Variants in IL6ST observed in about 807,000 individuals in gnomAD.
IL6ST encodes interleukin-6 receptor subunit beta.
In IL6ST, 24 loss-of-function variants were observed where a neutral mutation model predicts 91.3. The ratio of observed to expected loss-of-function variants is 0.26; its 90% CI spans 0.19 to 0.37. The LOEUF (loss-of-function observed/expected upper bound fraction) is 0.37, where lower values mean the gene tolerates loss of function less well. Ranked by LOEUF, IL6ST falls within the 10% of genes least tolerant of loss-of-function variation. The pLI, the probability that IL6ST is intolerant of heterozygous loss-of-function variation, is 1.00. For missense variants in IL6ST, 914 were observed against 1,078.5 expected, an observed-to-expected ratio of 0.85 and a Z score of 2.14; for synonymous variants, 351 against 373.6, an observed-to-expected ratio of 0.94 and a Z score of 0.70.
chr5:55,990,976 G>A (rs944562590), intron 1 of IL6ST, among the ~76,000 whole-genome samples: 2 of 148,460 alleles, frequency 1.3e-5, no homozygotes, highest in African/African-American at 5.0e-5. Flanking sequence ...ACCTATGAGT[G>A]AGAACATGCG....
intron 4 of IL6ST, among the ~76,000 whole-genome samples, chr5:55,968,834 A>G (rs771387805): frequency 4.6e-5 from 7 of 152,200 alleles, no homozygotes; most frequent in Non-Finnish European, 1.0e-4. Flanking sequence ...CCAAAACAGT[A>G]AAGTCTGGGT....
At chr5:55,992,534 G>T (rs1236391700) in intron 1 of IL6ST, among the ~76,000 whole-genome samples, 1 of 151,934 alleles carries the variant, frequency 6.6e-6, no homozygotes, top group East Asian at 1.9e-4. Context: ...CCTTAATATG[G>T]GCAAAGTGCT....
At chr5:55,986,595 T>C (rs1753985839) in intron 1 of IL6ST, among the ~76,000 whole-genome samples, 1 of 152,236 alleles carries the variant, frequency 6.6e-6, no homozygotes, top group Admixed American at 6.5e-5. Context: ...TTTAAAGCTA[T>C]CAGCTTCATA....
intron 15 of IL6ST, among the ~76,000 whole-genome samples, chr5:55,946,568 C>G (rs1236262381): frequency 6.6e-6 from 1 of 152,126 alleles, no homozygotes; most frequent in Non-Finnish European, 1.5e-5. Context: ...GTAATCCCAG[C>G]ACTTTTGGGA....
At chr5:55,988,833 G>A (rs1210092957) in intron 1 of IL6ST, among the ~76,000 whole-genome samples, 2 of 148,238 alleles carry the variant, frequency 1.3e-5, no homozygotes, top group Non-Finnish European at 3.0e-5. Context: ...ACAGAAGGCT[G>A]GGTGCAGTGG....
intron 14 of IL6ST, among the ~76,000 whole-genome samples, chr5:55,950,535 C>CAAAAA (rs70995750): frequency 1.4e-4 from 4 of 29,344 alleles, no homozygotes; most frequent in African/African-American, 1.9e-4. Context: ...GACTCTGTCT[C>CAAAAA]AAAAAAAAAA....
intron 1 of IL6ST, among the ~76,000 whole-genome samples, chr5:55,988,846 C>A (rs1754144313): frequency 6.6e-6 from 1 of 150,964 alleles, no homozygotes; most frequent in African/African-American, 2.4e-5. Flanking sequence ...TGCAGTGGCT[C>A]ACGGCTGTAA....
Position 55,940,133 on chromosome 5 carries a change from G to GTATATGTGTGTGTGTA in IL6ST, c.*948_*949insTACACACACACATATA, listed in dbSNP as rs1554022476. 7.1e-5 allele frequency: 13 copies of GTATATGTGTGTGTGTA among 183,806 alleles called. No homozygotes were observed. Among genetic ancestry groups the GTATATGTGTGTGTGTA allele is most frequent in the African/African-American group, 3.8e-4 (12 of 31,306 alleles). The allele number at this position is 183,806 out of a possible 1,614,324, so 11.4% of individuals were successfully genotyped here. On this transcript the variant is annotated 3_prime_UTR_variant, in exon 17 of 17. Transcript: ENST00000381298. The stretch of plus-strand genomic sequence containing the variant: ...TAAGAAAAGTCAATGATATGTGTGT[G>GTATATGTGTGTGTGTA]TATATATATATATATATATACACAC...
At chr5:55,994,110 T>C (rs1371060707) in intron 1 of IL6ST, 2 of 151,346 alleles carry the variant, frequency 1.3e-5, no homozygotes, top group African/African-American at 2.4e-5. Flanking sequence ...TTTTTTTTTT[T>C]CAGTTTCGGA....
intron 5 of IL6ST, 28 bp from the exon 6 acceptor site, chr5:55,964,340 C>T: frequency 6.5e-7 from 1 of 1,536,154 alleles, no homozygotes; most frequent in Non-Finnish European, 8.9e-7. Context: ...AAGAATCAGT[C>T]ATTAAAAACA....
intron 3 of IL6ST, among the ~76,000 whole-genome samples, chr5:55,974,985 A>G (rs946090382): frequency 1.3e-5 from 2 of 151,548 alleles, no homozygotes; most frequent in Admixed American, 1.3e-4. Flanking sequence ...ACACACACGT[A>G]CACATAAATA....
chr5:55,969,531 A>C lies in IL6ST; in HGVS notation c.370+19T>G. 6.4e-7 allele frequency: 1 copy of C among 1,561,184 alleles called. No individual in the cohort carries two copies. The highest frequency in any genetic ancestry group is 8.8e-7 in the Non-Finnish European group (1 of 1,139,410). ...AATAGTCATGACAAAGTCTGAAATA[A>C]GACAAAAACAAAACTTACAGCCTGA... is the stretch of plus-strand genomic sequence containing the variant. On this transcript the variant is annotated intron_variant, in intron 4 of 16. Transcript: ENST00000381298.
At chr5:55,970,530 C>CA (rs1183899624) in intron 3 of IL6ST, among the ~76,000 whole-genome samples, 3 of 151,586 alleles carry the variant, frequency 2.0e-5, no homozygotes, top group East Asian at 3.9e-4. Context: ...GTACTAAAAA[C>CA]AAAAAAAATT....
chr5:55,948,656 CTAATT>C (rs1751429832), intron 14 of IL6ST, among the ~76,000 whole-genome samples: 1 of 151,776 alleles, frequency 6.6e-6, no homozygotes, highest in Non-Finnish European at 1.5e-5. Context: ...AATGCCAAAT[CTAATT>C]TAGGCAGAAA....
intron 2 of IL6ST, among the ~76,000 whole-genome samples, chr5:55,977,868 T>C (rs1753407164): frequency 6.6e-6 from 1 of 151,546 alleles, no homozygotes; most frequent in South Asian, 2.1e-4. Context: ...TGTGGTGGTG[T>C]ATGCCTGCAG....
At chr5:55,974,431 C>T (rs1753151041) in intron 3 of IL6ST, among the ~76,000 whole-genome samples, 1 of 152,046 alleles carries the variant, frequency 6.6e-6, no homozygotes, top group African/African-American at 2.4e-5. Context: ...GTTCAAGTGA[C>T]TCTCCCACCT....
chr5:55,985,156 A>AT (rs1359498058), intron 1 of IL6ST, among the ~76,000 whole-genome samples: 86 of 152,304 alleles, frequency 5.6e-4, no homozygotes, highest in African/African-American at 2.0e-3. Flanking sequence ...TAGGAGGTTT[A>AT]ATTTTAATAA....
chr5:55,992,615 C>T (rs1299014442), intron 1 of IL6ST, among the ~76,000 whole-genome samples: 1 of 152,200 alleles, frequency 6.6e-6, no homozygotes, highest in East Asian at 1.9e-4. Context: ...TTAGTTACTG[C>T]TGATCCTTTC....
At position 55,960,454 on chromosome 5, in the gene IL6ST, C is replaced by T; in HGVS notation, c.921G>A (p.Lys307=). ...FRIRCMKEDG[K]GYWSDWSEEA... is the part of the protein sequence containing the mutation. The stretch of plus-strand genomic sequence containing the variant: ...CTTCACTCCAGTCACTCCAGTATCC[C>T]TTACCATCTTCCTTCATACAGCGAA... Residue 307 remains lysine (K), a synonymous_variant, in exon 8 of 17, where the codon AAG becomes AAA. Transcript: ENST00000381298. 6.2e-7 allele frequency: 1 copy of T among 1,614,032 alleles called. No homozygotes were observed.
Sources: gnomAD v4.1 joint callset for allele counts (sites outside exome capture counted in the v4.1 genomes callset) on GRCh38, gnomAD v4.1.1 for gene constraint, MANE v1.5 for transcripts, NCBI Gene and HGNC (gene_info 2026-07-23, HGNC 2026-07-21) for gene names.